AFF1: variants seen among roughly 807,000 people sequenced by gnomAD.
The protein encoded by AFF1 is AF4/FMR2 family member 1.
A neutral mutation model predicts 121.7 loss-of-function variants in AFF1; 48 were observed. The observed-to-expected ratio is 0.39, with a 90% confidence interval of 0.31 to 0.50. The LOEUF is 0.50. AFF1 is among the 20% of genes least tolerant of loss of function. The pLI is 0.76. For synonymous variants in AFF1, 613 were observed against 563.0 expected (o/e 1.09, Z -1.26); for missense variants, 1,523 against 1,511.7 (o/e 1.01, Z -0.12).
At chr4:87,010,189 A>G (rs1164862997) in intron 2 of AFF1, among the ~76,000 whole-genome samples, 1 of 152,210 alleles carries the variant, frequency 6.6e-6, no homozygotes, top group Admixed American at 6.5e-5. Flanking sequence ...GTTAAAACCT[A>G]AGAGTAGGAA....
intron 2 of AFF1, chr4:86,973,762 T>C (rs1477809028): frequency 6.6e-6 from 1 of 151,862 alleles, no homozygotes; most frequent in Non-Finnish European, 1.5e-5. Context: ...TTTCTTTTTT[T>C]TCTTTTCTTC....
intron 2 of AFF1, among the ~76,000 whole-genome samples, chr4:86,968,850 G>A (rs988260175): frequency 1.3e-5 from 2 of 152,182 alleles, no homozygotes; most frequent in Non-Finnish European, 2.9e-5. Context: ...CAGCCCATGT[G>A]GGGGGTTGGT....
chr4:86,947,689 G>C (rs1720963218), intron 1 of AFF1, among the ~76,000 whole-genome samples: 1 of 152,176 alleles, frequency 6.6e-6, no homozygotes, highest in South Asian at 2.1e-4. Context: ...TAACCATAAA[G>C]AGAGGTTGTT....
At chr4:87,056,431 A>G (rs1720147309) in intron 4 of AFF1, among the ~76,000 whole-genome samples, 1 of 152,182 alleles carries the variant, frequency 6.6e-6, no homozygotes. Flanking sequence ...TTAGAGCTCA[A>G]TTTTTAAAAT....
intron 5 of AFF1, among the ~76,000 whole-genome samples, chr4:87,088,749 C>T (rs1267069324): frequency 6.7e-6 from 1 of 150,250 alleles, no homozygotes; most frequent in Non-Finnish European, 1.5e-5. Flanking sequence ...CATGTACCAC[C>T]ATGCCCGGCT....
intron 2 of AFF1, among the ~76,000 whole-genome samples, chr4:86,952,229 TATG>T (rs1313409912): frequency 6.6e-6 from 1 of 152,224 alleles, no homozygotes; most frequent in Non-Finnish European, 1.5e-5. Context: ...CTAGAAAATT[TATG>T]ATTGGCATTT....
At chr4:87,032,064 T>C (rs1323613385) in intron 2 of AFF1, among the ~76,000 whole-genome samples, 2 of 152,192 alleles carry the variant, frequency 1.3e-5, no homozygotes, top group Non-Finnish European at 2.9e-5. Flanking sequence ...CAAAGAATCC[T>C]GACAAGCTTT....
At chr4:86,958,944 G>A (rs965824) in intron 2 of AFF1, among the ~76,000 whole-genome samples, 143,475 of 152,244 alleles carry the variant, frequency 0.94, 68,060 homozygotes, top group Non-Finnish European at 1. Flanking sequence ...AACTTGTTTC[G>A]ATATAGCAGT....
At chr4:87,120,713 G>A (rs1433209274) in intron 12 of AFF1, among the ~76,000 whole-genome samples, 1 of 152,176 alleles carries the variant, frequency 6.6e-6, no homozygotes, top group Non-Finnish European at 1.5e-5. Flanking sequence ...GCCACTCAGT[G>A]CCCACACACA....
At chr4:86,937,405 A>G (rs1051205905) in intron 1 of AFF1, among the ~76,000 whole-genome samples, 11 of 152,220 alleles carry the variant, frequency 7.2e-5, no homozygotes, top group Non-Finnish European at 1.2e-4. Context: ...TAATAAGACT[A>G]TATCAAAACT....
chr4:87,029,364 G>A (rs553317620), intron 2 of AFF1, among the ~76,000 whole-genome samples: 1 of 152,178 alleles, frequency 6.6e-6, no homozygotes, highest in Non-Finnish European at 1.5e-5. Context: ...GAGGTTTAAC[G>A]TTATGAAGAC....
At chr4:87,084,348 G>A (rs1723477944) in intron 5 of AFF1, among the ~76,000 whole-genome samples, 184 bp downstream of exon 5, 1 of 151,882 alleles carries the variant, frequency 6.6e-6, no homozygotes, top group Admixed American at 6.6e-5. Flanking sequence ...CGACCAGCCT[G>A]GACAACATAG....
In AFF1 at chr4:87,007,547, T is replaced by G. The variant is rs758014021; in HGVS notation, c.39-38619T>G. The stretch of plus-strand genomic sequence containing the variant: ...AAGCAGCTTTGTCATTGCCTTCTCA[T>G]CATTCCCGAGGCTGTGGCTTGACTA... On this transcript the variant is annotated intron_variant, in intron 2 of 20. Coordinates refer to ENST00000395146, the MANE Select transcript of AFF1 (RefSeq NM_001166693.3). 7.7e-4 allele frequency: 1,015 copies of G among 1,312,720 alleles called. 1 individual carries two copies. The highest frequency in any genetic ancestry group is 1.0e-3 in the Non-Finnish European group (960 of 922,210). The allele number at this position is 1,312,720 out of a possible 1,614,324, so 81.3% of individuals were successfully genotyped here. A position where few individuals can be genotyped will look rare whatever the true frequency, so the allele number is the denominator to read the frequency against.
At chr4:87,058,986 T>TCCC (rs1368848972) in intron 4 of AFF1, among the ~76,000 whole-genome samples, 4 of 152,272 alleles carry the variant, frequency 2.6e-5, no homozygotes, top group East Asian at 3.9e-4. Context: ...AACACTCTCC[T>TCCC]CCCCTGTTGT....
intron 4 of AFF1, among the ~76,000 whole-genome samples, chr4:87,067,687 G>A (rs1179609186): frequency 6.6e-6 from 1 of 152,212 alleles, no homozygotes; most frequent in East Asian, 1.9e-4. Context: ...GAGCAAAAAG[G>A]TCAGCTTACC....
In AFF1 at chr4:87,137,576, G is replaced by A. The variant is rs932784252; in HGVS notation, c.*1875G>A. ...ATATCTGAGCATAAGACCTTGATGT[G>A]TGATTCCTGATGACCGGTTTCATTT... On this transcript the variant is annotated 3_prime_UTR_variant, in exon 21 of 21. Coordinates refer to ENST00000395146, the MANE Select transcript of AFF1 (RefSeq NM_001166693.3). The A allele has an allele frequency of 8.7e-6, 2 of 230,950 alleles. No homozygotes were observed. The highest frequency in any genetic ancestry group is 5.6e-5 in the Admixed American group (1 of 17,738). The allele number at this position is 230,950 out of a possible 1,614,324, so 14.3% of individuals were successfully genotyped here.
intron 10 of AFF1, among the ~76,000 whole-genome samples, chr4:87,106,064 C>A (rs191195704): frequency 2.6e-5 from 4 of 152,196 alleles, no homozygotes; most frequent in Non-Finnish European, 4.4e-5. Context: ...TCATCTACAT[C>A]ATCAGTATAG....
At chr4:87,120,499 A>G (rs1727574436) in intron 12 of AFF1, among the ~76,000 whole-genome samples, 1 of 152,234 alleles carries the variant, frequency 6.6e-6, no homozygotes, top group Non-Finnish European at 1.5e-5. Flanking sequence ...ACTGCTGAGT[A>G]AAAATAGATC....
chr4:87,089,893 A>C, intron 5 of AFF1, 91 bp from the exon 6 acceptor site: 1 of 926,002 alleles, frequency 1.1e-6, no homozygotes, highest in Non-Finnish European at 1.7e-6. Context: ...ATTTATGATC[A>C]ATCCATTCTA....
Sources: allele counts gnomAD v4.1 joint callset (sites outside exome capture counted in the v4.1 genomes callset), GRCh38; gene constraint gnomAD v4.1.1; transcripts MANE v1.5; gene names NCBI Gene and HGNC (gene_info 2026-07-23, HGNC 2026-07-21).